The following HSD17B3 variants were observed in gnomAD, a reference collection of about 807,000 sequenced individuals.
HSD17B3 encodes the protein 17-beta-hydroxysteroid dehydrogenase type 3.
HSD17B3 carries 29 observed loss-of-function variants against 41.1 expected under a neutral mutation model. The observed-to-expected ratio is 0.71, with a 90% CI of 0.53 to 0.96. The LOEUF (loss-of-function observed/expected upper bound fraction) is 0.96, where lower values mean the gene tolerates loss of function less well. Among genes scored for constraint, HSD17B3 ranks in the 40% least tolerant of loss-of-function variants. The pLI is 0.00. For synonymous variants in HSD17B3, 126 were observed against 145.6 expected, an observed-to-expected ratio of 0.87 and a Z score of 0.97; for missense variants, 323 against 374.6, an observed-to-expected ratio of 0.86 and a Z score of 1.14.
At chr9:96,252,552 A>G (rs973903890) in intron 4 of HSD17B3, among the ~76,000 whole-genome samples, 1 of 151,926 alleles carries the variant, frequency 6.6e-6, no homozygotes, top group Non-Finnish European at 1.5e-5. Context: ...CAAAAAAAAA[A>G]AAAAAAGAAA....
chr9:96,295,610 C>G (rs1343468597), intron 2 of HSD17B3, among the ~76,000 whole-genome samples: 1 of 152,164 alleles, frequency 6.6e-6, no homozygotes, highest in African/African-American at 2.4e-5. Flanking sequence ...GCTGGGATTA[C>G]AGGCGTGAGC....
At chr9:96,287,375 C>T (rs1016343404) in intron 2 of HSD17B3, among the ~76,000 whole-genome samples, 1 of 152,166 alleles carries the variant, frequency 6.6e-6, no homozygotes, top group Non-Finnish European at 1.5e-5. Flanking sequence ...CAGCTGCTAC[C>T]CAACTGCTGC....
At chr9:96,290,952 T>C (rs1294062388) in intron 2 of HSD17B3, among the ~76,000 whole-genome samples, 1 of 152,006 alleles carries the variant, frequency 6.6e-6, no homozygotes, top group Admixed American at 6.5e-5. Flanking sequence ...AACTGTCTAC[T>C]CCAAGCAAAC....
intron 2 of HSD17B3, among the ~76,000 whole-genome samples, chr9:96,271,118 GC>G (rs1826230713): frequency 6.6e-6 from 1 of 151,922 alleles, no homozygotes; most frequent in Non-Finnish European, 1.5e-5. Flanking sequence ...AAAATTATTT[GC>G]AAAAAGAAAA....
intron 2 of HSD17B3, among the ~76,000 whole-genome samples, chr9:96,281,871 G>A (rs1336035432): frequency 6.6e-6 from 1 of 152,198 alleles, no homozygotes; most frequent in East Asian, 1.9e-4. Flanking sequence ...CTCAGGCAAT[G>A]CTTTCCTTTC....
At position 96,235,314 on chromosome 9, in the gene HSD17B3, C is replaced by CA. The variant is rs1419333031; in HGVS notation, c.*145dup. The CA allele has an allele frequency of 8.6e-6, 6 of 696,234 alleles. No individual in the cohort carries two copies. Among genetic ancestry groups the CA allele is most frequent in the African/African-American group, 3.5e-5 (2 of 56,880 alleles). 43.1% of individuals were successfully genotyped at this position (696,234 alleles called of 1,614,324 possible). ...AGATATTCAGACTCAAGTAAAGTGGCAAAAAATGTGTATTCTATGCCTCTG... is the reference window on the plus strand; with the variant it reads ...AGATATTCAGACTCAAGTAAAGTGGCAAAAAAATGTGTATTCTATGCCTCTG... On this transcript the variant is annotated 3_prime_UTR_variant, in exon 11 of 11. Transcript: ENST00000375263.
chr9:96,278,125 C>T (rs770073168), intron 2 of HSD17B3, among the ~76,000 whole-genome samples: 1 of 152,068 alleles, frequency 6.6e-6, no homozygotes, highest in Non-Finnish European at 1.5e-5. Flanking sequence ...CACAAAGTTT[C>T]AGTTATGCAG....
intron 6 of HSD17B3, 46 bp downstream of exon 6, chr9:96,249,705 A>G (rs1836816435): frequency 6.3e-7 from 1 of 1,591,832 alleles, no homozygotes; most frequent in African/African-American, 1.3e-5. Context: ...GCCAAATTTC[A>G]AGTTACTACA....
At chr9:96,288,936 CAAA>C (rs11324337) in intron 2 of HSD17B3, among the ~76,000 whole-genome samples, 10 of 135,196 alleles carry the variant, frequency 7.4e-5, no homozygotes, top group Non-Finnish European at 7.9e-5. Context: ...GACTCCGTCT[CAAA>C]AAAAAAAAAA....
intron 2 of HSD17B3, among the ~76,000 whole-genome samples, chr9:96,270,959 G>GGGT (rs10624364): frequency 0.023 from 3,435 of 147,478 alleles, 197 homozygotes; most frequent in Admixed American, 0.13. Context: ...CTCTCGGGGG[G>GGGT]GGGGGTTAAG....
intron 5 of HSD17B3, 150 bp downstream of exon 5, chr9:96,251,268 T>G: frequency 1.5e-6 from 1 of 657,064 alleles, no homozygotes. Context: ...AGTGCTAAGG[T>G]GAAGAGGAAA....
intron 2 of HSD17B3, among the ~76,000 whole-genome samples, chr9:96,298,100 G>C (rs1210435655): frequency 6.6e-6 from 1 of 152,136 alleles, no homozygotes; most frequent in Non-Finnish European, 1.5e-5. Flanking sequence ...TAAAAGGAAA[G>C]TAGTTTATAA....
chr9:96,252,459 C>T (rs932872480), intron 4 of HSD17B3, among the ~76,000 whole-genome samples: 11 of 150,920 alleles, frequency 7.3e-5, no homozygotes, highest in Non-Finnish European at 1.3e-4. Flanking sequence ...AGGAGAATCA[C>T]TTGAACCTGG....
intron 2 of HSD17B3, among the ~76,000 whole-genome samples, chr9:96,275,633 G>A (rs945970038): frequency 3.1e-4 from 47 of 151,550 alleles, no homozygotes; most frequent in African/African-American, 1.1e-3. Context: ...AAAGAGGGGA[G>A]AACAAAAGTG....
At chr9:96,250,372 G>A (rs1434077070) in intron 5 of HSD17B3, 7 of 1,072,876 alleles carry the variant, frequency 6.5e-6, no homozygotes, top group East Asian at 4.9e-5. Flanking sequence ...CACAGGAGAT[G>A]TGTGGTCCAG....
intron 2 of HSD17B3, 130 bp from the exon 3 acceptor site, chr9:96,255,073 G>A: frequency 1.3e-6 from 1 of 793,346 alleles, no homozygotes; most frequent in Non-Finnish European, 2.2e-6. Flanking sequence ...CTGGGTTTAA[G>A]TGTGCAGAAT....
At chr9:96,300,085 T>C (rs1215111695) in intron 1 of HSD17B3, among the ~76,000 whole-genome samples, 1 of 151,530 alleles carries the variant, frequency 6.6e-6, no homozygotes, top group Non-Finnish European at 1.5e-5. Flanking sequence ...TGCAGAGTGC[T>C]ACGTCCACCC....
At chr9:96,301,927 A>AC (rs760649604) in intron 1 of HSD17B3, 24 bp downstream of exon 1, 8 of 1,613,008 alleles carry the variant, frequency 5.0e-6, no homozygotes, top group South Asian at 2.2e-5. Flanking sequence ...CAGCAAAAAA[A>AC]CATGAGATGG....
chr9:96,251,366 G>A (rs1825400850), intron 5 of HSD17B3, 52 bp downstream of exon 5: 2 of 1,501,050 alleles, frequency 1.3e-6, no homozygotes, highest in Non-Finnish European at 1.9e-6. Context: ...CCCAGCCAGG[G>A]GACCCAGAAC....
Sources: gnomAD v4.1 joint callset for allele counts (sites outside exome capture counted in the v4.1 genomes callset) on GRCh38, gnomAD v4.1.1 for gene constraint, MANE v1.5 for transcripts, NCBI Gene and HGNC (gene_info 2026-07-23, HGNC 2026-07-21) for gene names.